CLASP2: variants seen among roughly 807,000 people sequenced by gnomAD.
The protein encoded by CLASP2 is cytoplasmic linker associated protein 2.
Under a neutral mutation model 194.4 loss-of-function variants are expected in CLASP2, and 47 were observed. The ratio of observed to expected loss-of-function variants is 0.24; its 90% CI spans 0.19 to 0.31. The LOEUF (loss-of-function observed/expected upper bound fraction) is 0.31, where lower values mean the gene tolerates loss of function less well. Among genes scored for constraint, CLASP2 ranks in the 10% least tolerant of loss-of-function variants. The pLI is 1.00. For missense variants in CLASP2, 1,445 were observed against 1,823.6 expected (o/e 0.79, Z 3.78); for synonymous variants, 619 against 633.5 (o/e 0.98, Z 0.34).
Position 33,644,769 on chromosome 3 carries a change from GGCC to G in CLASP2, c.847_849del (p.Gly283del). 1 of 1,613,198 alleles carries G rather than the reference GGCC, an allele frequency of 6.2e-7. No homozygotes were observed. The highest frequency in any genetic ancestry group is 8.5e-7 in the Non-Finnish European group (1 of 1,179,612). The stretch of plus-strand genomic sequence containing the variant: ...GGATTTACATTACCTCCAACCTTAG[GGCC>G]ACCTGCTGAACCAGGCTTCCTTGCA... On this transcript the variant is annotated inframe_deletion, in exon 8 of 39. Coordinates refer to ENST00000682230, the MANE Select transcript of CLASP2 (RefSeq NM_001365631.1).
At chr3:33,672,411 A>C (rs1223797627) in intron 6 of CLASP2, among the ~76,000 whole-genome samples, 1 of 152,222 alleles carries the variant, frequency 6.6e-6, no homozygotes, top group African/African-American at 2.4e-5. Context: ...AAACGAACAA[A>C]CAGAAAGGAC....
At chr3:33,634,908 T>C (rs561783946) in intron 8 of CLASP2, among the ~76,000 whole-genome samples, 1 of 152,226 alleles carries the variant, frequency 6.6e-6, no homozygotes, top group Admixed American at 6.5e-5. Context: ...AAGTTAGAAA[T>C]TTGAAAGAGT....
rs547997928 is a variant in CLASP2 at position 33,710,445 on chromosome 3, T to A, written c.195+7363A>T. Reference sequence around the variant, plus strand: ...TAATTTTTAAAGGCATAGTGGCTCATACCTATAGTTTCAGCTACTCAGAAG... The same window carrying A: ...TAATTTTTAAAGGCATAGTGGCTCAAACCTATAGTTTCAGCTACTCAGAAG... On this transcript the variant is annotated intron_variant, in intron 1 of 38. Coordinates refer to ENST00000682230, the MANE Select transcript of CLASP2 (RefSeq NM_001365631.1). Among the ~76,000 whole-genome samples the A allele has an allele frequency of 2.0e-4, 31 of 152,302 alleles. No homozygotes were observed. In the South Asian group the frequency reaches 6.2e-3, roughly 31 times the overall value.
At chr3:33,598,803 A>G (rs1392469468) in intron 18 of CLASP2, among the ~76,000 whole-genome samples, 1 of 152,200 alleles carries the variant, frequency 6.6e-6, no homozygotes, top group Non-Finnish European at 1.5e-5. Flanking sequence ...GCAATTCCAT[A>G]AACTCAATTG....
intron 34 of CLASP2, among the ~76,000 whole-genome samples, chr3:33,522,842 G>A (rs112774589): frequency 0.25 from 38,101 of 152,084 alleles, 5,176 homozygotes; most frequent in Admixed American, 0.4. Context: ...AGGCTGAGGC[G>A]GGCGGATCAC....
intron 22 of CLASP2, 40 bp downstream of exon 22, chr3:33,584,710 G>A (rs1276590041): frequency 2.7e-5 from 38 of 1,419,420 alleles, no homozygotes; most frequent in Middle Eastern, 3.9e-4. Flanking sequence ...AAAAAAAAAA[G>A]GGTTACATGT....
chr3:33,581,804 C>T lies in CLASP2; in HGVS notation c.2347+17G>A. The T allele has an allele frequency of 1.3e-6, 2 of 1,582,010 alleles. No homozygotes were observed. The highest frequency in any genetic ancestry group is 1.7e-6 in the Non-Finnish European group (2 of 1,152,752). ...CCATGGATAAGCAATGCACATAACA[C>T]CTGCCCGAATACGTACCGAGGGGCT... On this transcript the variant is annotated intron_variant, in intron 23 of 38. Transcript: ENST00000682230.
At chr3:33,559,095 T>C (rs1379364522) in intron 29 of CLASP2, 4 of 654,468 alleles carry the variant, frequency 6.1e-6, no homozygotes, top group African/African-American at 1.8e-5. Context: ...AGAAAAGAAA[T>C]AATGCAGATG....
At chr3:33,544,913 T>C (rs377727340) in intron 30 of CLASP2, 72 bp from the exon 31 acceptor site, 25 of 1,134,392 alleles carry the variant, frequency 2.2e-5, no homozygotes, top group East Asian at 2.2e-4. Flanking sequence ...TTCCCCTACA[T>C]TTCTGTTCAA....
chr3:33,570,745 A>G lies in CLASP2; in HGVS notation c.2745T>C (p.Phe915=). The G allele has an allele frequency of 6.3e-7, 1 of 1,592,990 alleles. No homozygotes were observed. The highest frequency in any genetic ancestry group is 1.1e-5 in the South Asian group (1 of 87,652). The change falls in exon 26 of 39, where the codon TTT becomes TTC. Residue 915 remains phenylalanine, a synonymous_variant. Coordinates refer to ENST00000682230, the MANE Select transcript of CLASP2 (RefSeq NM_001365631.1). Reference sequence around the variant, plus strand: ...AACATACCTTGCCATGAGGGTCAGCAAACATTCTTGTGAAAATTTCACATA... The same window carrying G: ...AACATACCTTGCCATGAGGGTCAGCGAACATTCTTGTGAAAATTTCACATA... The part of the protein sequence containing the change: ...KRLCEIFTRM[F]ADPHGKRVFS...
At chr3:33,679,597 A>C (rs1246777829) in intron 6 of CLASP2, among the ~76,000 whole-genome samples, 1 of 152,230 alleles carries the variant, frequency 6.6e-6, no homozygotes, top group African/African-American at 2.4e-5. Flanking sequence ...ACATCTCACC[A>C]GAGAAGATAT....
At chr3:33,563,970 T>C (rs1381857900) in intron 27 of CLASP2, 11 of 450,214 alleles carry the variant, frequency 2.4e-5, no homozygotes, top group Non-Finnish European at 4.4e-5. Flanking sequence ...TGACTCTCTA[T>C]AGAATTTACT....
At chr3:33,565,995 A>G (rs115810617) in intron 27 of CLASP2, among the ~76,000 whole-genome samples, 62 of 152,274 alleles carry the variant, frequency 4.1e-4, no homozygotes, top group African/African-American at 1.5e-3. Context: ...TAACCTCCTC[A>G]TTGTTCAAGG....
At chr3:33,541,491 C>G (rs1348264211) in intron 32 of CLASP2, among the ~76,000 whole-genome samples, 1 of 152,174 alleles carries the variant, frequency 6.6e-6, no homozygotes, top group East Asian at 1.9e-4. Context: ...CTCCTACCCT[C>G]TGCCCTCTGG....
chr3:33,683,640 T>C (rs1353990756), intron 6 of CLASP2: 1 of 152,210 alleles, frequency 6.6e-6, no homozygotes, highest in East Asian at 1.9e-4. Context: ...ATTTCAAAAA[T>C]TTGAACCTAT....
At chr3:33,552,222 G>A (rs1275238395) in intron 29 of CLASP2, among the ~76,000 whole-genome samples, 1 of 150,754 alleles carries the variant, frequency 6.6e-6, no homozygotes, top group African/African-American at 2.4e-5. Flanking sequence ...GGGTTCAAAC[G>A]GCTCTCCTGC....
chr3:33,540,981 C>A (rs1483471403), intron 32 of CLASP2, among the ~76,000 whole-genome samples: 2 of 152,008 alleles, frequency 1.3e-5, no homozygotes, highest in Non-Finnish European at 2.9e-5. Flanking sequence ...CCATGTTGGT[C>A]AGGCTGGTCT....
At chr3:33,600,088 T>TG (rs921670581) in intron 18 of CLASP2, among the ~76,000 whole-genome samples, 16 of 151,154 alleles carry the variant, frequency 1.1e-4, no homozygotes, top group East Asian at 5.8e-4. Context: ...TATATTTTTT[T>TG]TGTGTGTGTG....
intron 6 of CLASP2, among the ~76,000 whole-genome samples, chr3:33,665,263 A>C (rs989950731): frequency 6.6e-6 from 1 of 152,122 alleles, no homozygotes; most frequent in Admixed American, 6.6e-5. Flanking sequence ...GTTGGCAAGG[A>C]ATTAAGGTAA....
Sources: allele counts gnomAD v4.1 joint callset (sites outside exome capture counted in the v4.1 genomes callset), GRCh38; gene constraint gnomAD v4.1.1; transcripts MANE v1.5; gene names NCBI Gene and HGNC (gene_info 2026-07-23, HGNC 2026-07-21).